The following SLC24A2 variants were observed in gnomAD, a reference collection of about 807,000 sequenced individuals.
The protein encoded by SLC24A2 is sodium/potassium/calcium exchanger 2.
Under a neutral mutation model 62.0 loss-of-function variants are expected in SLC24A2, and 36 were observed. The observed-to-expected ratio is 0.58, with a 90% CI of 0.44 to 0.77. SLC24A2 has a LOEUF of 0.77. Among genes scored for constraint, SLC24A2 ranks in the 30% least tolerant of loss-of-function variants. The pLI is 0.00. For synonymous variants in SLC24A2, 358 were observed against 294.0 expected (o/e 1.22, Z -2.23); for missense variants, 846 against 817.9 (o/e 1.03, Z -0.42).
At chr9:19,525,369 G>GA (rs1554668341) in intron 9 of SLC24A2, among the ~76,000 whole-genome samples, 1 of 112,014 alleles carries the variant, frequency 8.9e-6, no homozygotes, top group Non-Finnish European at 1.9e-5. Context: ...GTTCTGCAAG[G>GA]TTTTTTTTTC....
At chr9:19,947,831 A>AGAAAGAAAGAAAGAAAGAAC in the SLC24A2 span, among the ~76,000 whole-genome samples, 31 of 150,956 alleles carry the variant, frequency 2.1e-4, no homozygotes, top group Middle Eastern at 3.5e-3. Context: ...AAAGAAAGAA[A>AGAAAGAAAGAAAGAAAGAAC]GAAAGAAAGA....
the SLC24A2 span, among the ~76,000 whole-genome samples, chr9:19,834,216 C>T: frequency 4.6e-5 from 7 of 152,272 alleles, no homozygotes; most frequent in East Asian, 1.3e-3. Context: ...TGGAACAAAG[C>T]TGGATGGAGA....
intron 2 of SLC24A2, among the ~76,000 whole-genome samples, chr9:19,769,948 G>T (rs958346447): frequency 3.3e-5 from 5 of 152,062 alleles, no homozygotes; most frequent in African/African-American, 1.2e-4. Flanking sequence ...TAGGTCAGTA[G>T]CAGGCACTGT....
intron 2 of SLC24A2, among the ~76,000 whole-genome samples, chr9:19,714,364 A>G (rs1422578141): frequency 6.6e-6 from 1 of 152,206 alleles, no homozygotes; most frequent in Admixed American, 6.5e-5. Flanking sequence ...TGCCTTGTAA[A>G]AAAACTGACT....
chr9:19,589,310 C>T, intron 5 of SLC24A2, among the ~76,000 whole-genome samples: 1 of 152,108 alleles, frequency 6.6e-6, no homozygotes, highest in East Asian at 1.9e-4. Context: ...CGAAGAAAGT[C>T]TAAATGTGCT....
At chr9:19,911,746 C>A in the SLC24A2 span, among the ~76,000 whole-genome samples, 1 of 152,168 alleles carries the variant, frequency 6.6e-6, no homozygotes, top group African/African-American at 2.4e-5. Flanking sequence ...CTCAGCCTGT[C>A]CTATGGTAGG....
the SLC24A2 span, among the ~76,000 whole-genome samples, chr9:20,300,274 A>G: frequency 6.6e-6 from 1 of 152,190 alleles, no homozygotes; most frequent in Non-Finnish European, 1.5e-5. Context: ...CAATCCAATT[A>G]TATCTTTTAG....
chr9:19,845,429 G>A, the SLC24A2 span, among the ~76,000 whole-genome samples: 1 of 152,124 alleles, frequency 6.6e-6, no homozygotes, highest in Non-Finnish European at 1.5e-5. Flanking sequence ...AGTCTTTAGG[G>A]TTCTTTAGGT....
chr9:19,553,644 G>C (rs1038211196), intron 7 of SLC24A2, among the ~76,000 whole-genome samples: 3 of 152,206 alleles, frequency 2.0e-5, no homozygotes, highest in Non-Finnish European at 4.4e-5. Flanking sequence ...AGGTGGTAGA[G>C]AATCAGGAAT....
At chr9:19,781,500 G>A (rs1823020092) in intron 2 of SLC24A2, among the ~76,000 whole-genome samples, 1 of 152,170 alleles carries the variant, frequency 6.6e-6, no homozygotes, top group Admixed American at 6.5e-5. Context: ...TGAACTGTGT[G>A]TATCAAAATC....
At chr9:19,822,668 C>T in the SLC24A2 span, among the ~76,000 whole-genome samples, 19 of 152,226 alleles carry the variant, frequency 1.2e-4, no homozygotes, top group African/African-American at 4.3e-4. Flanking sequence ...CTACAGCCCA[C>T]TTTGCAATGT....
At chr9:19,652,294 G>A (rs545063214) in intron 2 of SLC24A2, among the ~76,000 whole-genome samples, 1 of 152,242 alleles carries the variant, frequency 6.6e-6, no homozygotes, top group South Asian at 2.1e-4. Context: ...AGATGTCTGT[G>A]TCCTGTCCTA....
At chr9:20,109,450 G>A in the SLC24A2 span, among the ~76,000 whole-genome samples, 2 of 152,144 alleles carry the variant, frequency 1.3e-5, no homozygotes, top group Admixed American at 6.6e-5. Context: ...GGCTTATGCC[G>A]AATACTTGCT....
chr9:19,775,996 T>C (rs1822834257), intron 2 of SLC24A2, among the ~76,000 whole-genome samples: 1 of 152,224 alleles, frequency 6.6e-6, no homozygotes, highest in African/African-American at 2.4e-5. Context: ...CCAGTATTTT[T>C]AATAGAATGA....
the SLC24A2 span, among the ~76,000 whole-genome samples, chr9:20,214,576 C>T: frequency 0.12 from 18,118 of 151,846 alleles, 2,331 homozygotes; most frequent in East Asian, 0.61. Context: ...GATCATGCCA[C>T]TGCACTCCAG....
chr9:19,913,295 A>G, the SLC24A2 span, among the ~76,000 whole-genome samples: 3 of 152,082 alleles, frequency 2.0e-5, no homozygotes, highest in Admixed American at 1.3e-4. Flanking sequence ...TTGTTTGCCA[A>G]CATTCCCTTC....
the SLC24A2 span, among the ~76,000 whole-genome samples, chr9:20,084,627 C>T: frequency 6.6e-6 from 1 of 151,882 alleles, no homozygotes; most frequent in African/African-American, 2.4e-5. Flanking sequence ...GGTAACAAGA[C>T]CTCATTCATT....
At chr9:20,196,361 G>A in the SLC24A2 span, among the ~76,000 whole-genome samples, 1 of 152,202 alleles carries the variant, frequency 6.6e-6, no homozygotes, top group African/African-American at 2.4e-5. Flanking sequence ...TGTCTCCACA[G>A]GACTGCACTT....
chr9:19,918,652 A>T, the SLC24A2 span, among the ~76,000 whole-genome samples: 1 of 152,184 alleles, frequency 6.6e-6, no homozygotes, highest in African/African-American at 2.4e-5. Flanking sequence ...AGACTCCAGG[A>T]GTGTATGCCA....
Sources: allele counts gnomAD v4.1 joint callset (sites outside exome capture counted in the v4.1 genomes callset), GRCh38; gene constraint gnomAD v4.1.1; transcripts MANE v1.5; gene names NCBI Gene and HGNC (gene_info 2026-07-23, HGNC 2026-07-21).